Variants in DPP10 observed in about 807,000 individuals in gnomAD.
DPP10 encodes dipeptidyl peptidase like 10.
In DPP10, 33 loss-of-function variants were observed where a neutral mutation model predicts 120.9. The ratio of observed to expected loss-of-function variants is 0.27; its 90% CI spans 0.21 to 0.37. The LOEUF (loss-of-function observed/expected upper bound fraction) is 0.37, where lower values mean the gene tolerates loss of function less well. DPP10 is among the 10% of genes least tolerant of loss of function. The probability of loss-of-function intolerance (pLI) is 1.00; values close to 1 mark genes in which losing one functional copy is unlikely to be tolerated. For missense variants in DPP10, 816 were observed against 942.8 expected (o/e 0.87, Z 1.76); for synonymous variants, 337 against 326.1 (o/e 1.03, Z -0.36).
intron 1 of DPP10, among the ~76,000 whole-genome samples, chr2:115,249,138 A>G (rs2058652443): frequency 6.6e-6 from 1 of 152,140 alleles, no homozygotes; most frequent in Non-Finnish European, 1.5e-5. Flanking sequence ...TCAGCATTTA[A>G]TATGTACAAT....
chr2:114,740,087 G>A (rs1243962135), intron 1 of DPP10, among the ~76,000 whole-genome samples: 3 of 151,316 alleles, frequency 2.0e-5, no homozygotes, highest in Non-Finnish European at 2.9e-5. Flanking sequence ...ATTCACAATA[G>A]CAAAGACTTG....
At chr2:114,545,903 C>T (rs1365743125) in intron 1 of DPP10, among the ~76,000 whole-genome samples, 1 of 152,140 alleles carries the variant, frequency 6.6e-6, no homozygotes, top group Non-Finnish European at 1.5e-5. Flanking sequence ...TTTATCTTTG[C>T]TGCTGCCATT....
chr2:114,586,736 A>C (rs1466395961), intron 1 of DPP10, among the ~76,000 whole-genome samples: 2 of 152,134 alleles, frequency 1.3e-5, no homozygotes, highest in African/African-American at 2.4e-5. Context: ...TCCTTCATGA[A>C]TGGCTTGGAG....
At chr2:115,171,343 A>G (rs1254860345) in intron 1 of DPP10, among the ~76,000 whole-genome samples, 2 of 145,166 alleles carry the variant, frequency 1.4e-5, no homozygotes, top group African/African-American at 5.3e-5. Context: ...TCTGGGTGGC[A>G]GAGCGAGACT....
chr2:114,457,493 C>G (rs1678646117), intron 1 of DPP10, among the ~76,000 whole-genome samples: 1 of 152,196 alleles, frequency 6.6e-6, no homozygotes, highest in Non-Finnish European at 1.5e-5. Flanking sequence ...GGTCTCATGG[C>G]TTCTGTGAAT....
intron 7 of DPP10, among the ~76,000 whole-genome samples, chr2:115,701,764 G>C (rs540900445): frequency 6.6e-6 from 1 of 151,968 alleles, no homozygotes; most frequent in African/African-American, 2.4e-5. Context: ...ATTCTAAAAC[G>C]TAATAAAAAG....
chr2:115,006,274 T>G (rs1400710637), intron 1 of DPP10, among the ~76,000 whole-genome samples: 1 of 151,926 alleles, frequency 6.6e-6, no homozygotes, highest in Non-Finnish European at 1.5e-5. Flanking sequence ...TGTCAAAATG[T>G]AAAGACCATC....
rs544994649 is a variant in DPP10 at position 115,639,200 on chromosome 2, T to C, written c.442-50487T>C. On this transcript the variant is annotated intron_variant, in intron 5 of 25. Coordinates refer to ENST00000410059, the MANE Select transcript of DPP10 (RefSeq NM_020868.6). ...CTACGTATCTTAGGCATCTATCTTA[T>C]GAAAACCTTCTGAAAGTAGTAGCTT... 7.9e-5 allele frequency among the ~76,000 whole-genome samples: 12 copies of C among 152,350 alleles called. No homozygotes were observed. The South Asian group carries it at 2.5e-3, about 32-fold the overall frequency.
At chr2:114,720,599 T>TA (rs1183813838) in intron 1 of DPP10, among the ~76,000 whole-genome samples, 1 of 152,082 alleles carries the variant, frequency 6.6e-6, no homozygotes, top group Non-Finnish European at 1.5e-5. Context: ...ACCACACATT[T>TA]AAAAAAATGC....
intron 1 of DPP10, among the ~76,000 whole-genome samples, 188 bp downstream of exon 1, chr2:114,443,026 T>C (rs531588483): frequency 6.6e-6 from 1 of 152,194 alleles, no homozygotes; most frequent in African/African-American, 2.4e-5. Context: ...TAGTTTCCAC[T>C]GAACACTTCT....
chr2:114,820,483 A>G (rs1169117873), intron 1 of DPP10, among the ~76,000 whole-genome samples: 2 of 152,344 alleles, frequency 1.3e-5, no homozygotes, highest in African/African-American at 2.4e-5. Context: ...AACATCCTGC[A>G]TTAGACTGTT....
At chr2:115,336,599 C>CTG (rs1217201736) in intron 2 of DPP10, among the ~76,000 whole-genome samples, 1 of 145,786 alleles carries the variant, frequency 6.9e-6, no homozygotes, top group African/African-American at 2.5e-5. Context: ...CTCTCTCTCT[C>CTG]TATATATATA....
intron 1 of DPP10, among the ~76,000 whole-genome samples, chr2:114,471,896 G>A (rs1203874092): frequency 6.6e-6 from 1 of 152,190 alleles, no homozygotes; most frequent in African/African-American, 2.4e-5. Context: ...AATCCGGTTA[G>A]AAAACAAACC....
At chr2:115,832,264 G>A (rs559466786) in intron 21 of DPP10, among the ~76,000 whole-genome samples, 2 of 152,306 alleles carry the variant, frequency 1.3e-5, no homozygotes, top group South Asian at 2.1e-4. Flanking sequence ...CAAGGCGAGT[G>A]GATCACTTGA....
intron 1 of DPP10, among the ~76,000 whole-genome samples, chr2:115,042,353 G>C (rs532636888): frequency 2.6e-5 from 4 of 152,010 alleles, no homozygotes; most frequent in Non-Finnish European, 5.9e-5. Context: ...TGCAACTTCT[G>C]CCTCACGGGT....
intron 1 of DPP10, among the ~76,000 whole-genome samples, chr2:114,707,611 A>G (rs1333683559): frequency 6.6e-6 from 1 of 152,126 alleles, no homozygotes; most frequent in East Asian, 1.9e-4. Context: ...TGAAAATCCC[A>G]CTAAAAAGTG....
At chr2:115,392,137 T>TA (rs1442804565) in intron 3 of DPP10, among the ~76,000 whole-genome samples, 1 of 152,220 alleles carries the variant, frequency 6.6e-6, no homozygotes, top group Admixed American at 6.5e-5. Flanking sequence ...TCAATTTACT[T>TA]ATTCTCTGTT....
At chr2:115,451,403 C>T (rs981597801) in intron 3 of DPP10, among the ~76,000 whole-genome samples, 3 of 151,898 alleles carry the variant, frequency 2.0e-5, no homozygotes, top group Non-Finnish European at 4.4e-5. Context: ...AATCAGCATC[C>T]TCAAAGATTT....
At chr2:115,500,360 C>G (rs151262369) in intron 4 of DPP10, among the ~76,000 whole-genome samples, 2 of 151,670 alleles carry the variant, frequency 1.3e-5, no homozygotes, top group Admixed American at 6.6e-5. Context: ...TGAATGTATA[C>G]AATACAGACA....
Sources: allele counts gnomAD v4.1 joint callset (sites outside exome capture counted in the v4.1 genomes callset), GRCh38; gene constraint gnomAD v4.1.1; transcripts MANE v1.5; gene names NCBI Gene and HGNC (gene_info 2026-07-23, HGNC 2026-07-21).